The following ULK4 variants were observed in gnomAD, a reference collection of about 807,000 sequenced individuals.
The protein encoded by ULK4 is unc-51 like kinase 4, also known as inactive serine/threonine-protein kinase ULK4.
In ULK4, 133 loss-of-function variants were observed where a neutral mutation model predicts 160.6. The observed-to-expected ratio is 0.83, with a 90% confidence interval of 0.72 to 0.96. The LOEUF is 0.96. Among genes scored for constraint, ULK4 ranks in the 40% least tolerant of loss-of-function variants. ULK4 has a pLI of 0.00. For synonymous variants in ULK4, 534 were observed against 539.8 expected (o/e 0.99, Z 0.15); for missense variants, 1,580 against 1,499.5 (o/e 1.05, Z -0.89).
At chr3:41,931,447 T>C (rs13318817) in intron 5 of ULK4, among the ~76,000 whole-genome samples, 8,217 of 137,316 alleles carry the variant, frequency 0.06, 431 homozygotes, top group East Asian at 0.18. Flanking sequence ...AACCTGTATG[T>C]TCTGCACATG....
At chr3:41,473,790 C>T (rs1347344246) in intron 32 of ULK4, among the ~76,000 whole-genome samples, 3 of 149,112 alleles carry the variant, frequency 2.0e-5, no homozygotes, top group Non-Finnish European at 3.0e-5. Flanking sequence ...GGTGAAATAA[C>T]TGTACCCTGA....
intron 33 of ULK4, among the ~76,000 whole-genome samples, chr3:41,461,231 T>A (rs2083676646): frequency 6.6e-6 from 1 of 152,184 alleles, no homozygotes; most frequent in Non-Finnish European, 1.5e-5. Flanking sequence ...TTTTAAGCAC[T>A]GGCCTCTCTC....
chr3:41,446,577 G>C (rs540848086), intron 34 of ULK4, among the ~76,000 whole-genome samples: 1 of 152,018 alleles, frequency 6.6e-6, no homozygotes, highest in Admixed American at 6.6e-5. Context: ...TCCTTTGTAG[G>C]GACATGGATG....
At chr3:41,463,982 A>G (rs1389319602) in intron 32 of ULK4, among the ~76,000 whole-genome samples, 2 of 150,874 alleles carry the variant, frequency 1.3e-5, no homozygotes, top group African/African-American at 4.9e-5. Context: ...CTTTGGAATC[A>G]GTAGAGCATA....
intron 34 of ULK4, among the ~76,000 whole-genome samples, chr3:41,413,760 T>C (rs1215865565): frequency 2.0e-5 from 3 of 152,158 alleles, no homozygotes; most frequent in African/African-American, 7.2e-5. Context: ...CTTTGGTAAT[T>C]ATATTAGACT....
intron 34 of ULK4, among the ~76,000 whole-genome samples, chr3:41,410,837 A>G (rs1012229996): frequency 2.6e-5 from 4 of 152,214 alleles, no homozygotes; most frequent in African/African-American, 9.6e-5. Flanking sequence ...CAAAGACAGC[A>G]TAAGTAAATG....
intron 6 of ULK4, among the ~76,000 whole-genome samples, chr3:41,919,332 T>C (rs1699090768): frequency 6.6e-6 from 1 of 152,208 alleles, no homozygotes; most frequent in Non-Finnish European, 1.5e-5. Flanking sequence ...CCAGGCACAG[T>C]GGCTCATGCC....
intron 32 of ULK4, among the ~76,000 whole-genome samples, chr3:41,510,349 T>A (rs1437563639): frequency 6.6e-6 from 1 of 152,180 alleles, no homozygotes; most frequent in Non-Finnish European, 1.5e-5. Flanking sequence ...CTGCTAGTCC[T>A]AAGAAATAAG....
At chr3:41,699,563 G>C (rs138886365) in intron 27 of ULK4, among the ~76,000 whole-genome samples, 1 of 152,330 alleles carries the variant, frequency 6.6e-6, no homozygotes, top group Non-Finnish European at 1.5e-5. Flanking sequence ...CTATAGGCCA[G>C]ATTGATGATT....
chr3:41,717,210 C>T (rs2037299040), intron 23 of ULK4, among the ~76,000 whole-genome samples: 1 of 152,038 alleles, frequency 6.6e-6, no homozygotes, highest in Non-Finnish European at 1.5e-5. Context: ...CTGGCTTGAT[C>T]ACTATGCATT....
rs74647020 is a variant in ULK4, at chr3:41,423,663, C to G, written c.3493-25399G>C. 4.1e-3 allele frequency among the ~76,000 whole-genome samples: 618 copies of G among 151,986 alleles called. 3 individuals are homozygous for G. Among genetic ancestry groups the G allele is most frequent in the African/African-American group, 0.014 (590 of 41,452 alleles). ...ATGTAAACAGCAAGTGAATCCTGCACCAAAAACTGAGGTATAGAGGTTCTC... is the reference window on the plus strand; with the variant it reads ...ATGTAAACAGCAAGTGAATCCTGCAGCAAAAACTGAGGTATAGAGGTTCTC... On this transcript the variant is annotated intron_variant, in intron 34 of 36. Coordinates refer to ENST00000301831, the MANE Select transcript of ULK4 (RefSeq NM_017886.4).
In ULK4 at chr3:41,373,503, C is replaced by T. The variant is rs926980265; in HGVS notation, c.3678+24576G>A. Among the ~76,000 whole-genome samples, 14 of 152,292 alleles carry T rather than the reference C, an allele frequency of 9.2e-5. No homozygotes were observed. In the South Asian group the frequency reaches 1.7e-3, roughly 18 times the overall value. On this transcript the variant is annotated intron_variant, in intron 35 of 36. Transcript: ENST00000301831. The stretch of plus-strand genomic sequence containing the variant: ...AAACTCACTCAAAACGGCACAACTA[C>T]GTGGAAGCTGAACAACATGCTCCTG...
chr3:41,274,038 T>A (rs1428705776), intron 35 of ULK4, among the ~76,000 whole-genome samples: 1 of 152,092 alleles, frequency 6.6e-6, no homozygotes, highest in Non-Finnish European at 1.5e-5. Flanking sequence ...TTTTTTTTTA[T>A]ACTAACACAA....
chr3:41,715,245 T>C lies in ULK4; in HGVS notation c.2626A>G (p.Thr876Ala), dbSNP rs1350769038. ...VTEEFLFSYGTILSHIKSVDS... is the reference protein window; with the variant it reads ...VTEEFLFSYGAILSHIKSVDS... ...AATTTCGTGTTACTCACAAGAATAG[T>C]TCCATAGCTGAAAAGAAACTCTTCT... is the stretch of plus-strand genomic sequence containing the variant. Residue 876 changes from threonine to alanine, a missense_variant, in exon 25 of 37, where the codon ACT (threonine) becomes GCT (alanine). Physicochemically the swap from Thr to Ala is moderately conservative, Grantham distance 58 (BLOSUM62 0). Coordinates refer to ENST00000301831, the MANE Select transcript of ULK4 (RefSeq NM_017886.4). 3.1e-6 allele frequency: 5 copies of C among 1,613,180 alleles called. No individual in the cohort carries two copies. The highest frequency in any genetic ancestry group is 8.5e-7 in the Non-Finnish European group (1 of 1,179,954).
At chr3:41,440,068 C>T (rs1442660625) in intron 34 of ULK4, among the ~76,000 whole-genome samples, 2 of 152,082 alleles carry the variant, frequency 1.3e-5, no homozygotes, top group Non-Finnish European at 2.9e-5. Context: ...TGTGGACAGA[C>T]TTCTTTATTT....
chr3:41,904,356 C>T (rs1167362798), intron 12 of ULK4, among the ~76,000 whole-genome samples: 3 of 152,006 alleles, frequency 2.0e-5, no homozygotes, highest in Non-Finnish European at 4.4e-5. Flanking sequence ...CTAAGCCCAA[C>T]AAGTTGAGGC....
intron 34 of ULK4, among the ~76,000 whole-genome samples, chr3:41,410,947 T>TTAAC (rs71616004): frequency 0.22 from 32,869 of 152,018 alleles, 3,949 homozygotes; most frequent in African/African-American, 0.32. Context: ...TAACTTCATC[T>TTAAC]TAACTATATC....
rs753347285 is a variant in ULK4, at chr3:41,835,943, CTAAT to C, written c.1681_1684del (p.Ile561GlyfsTer9). On this transcript the variant is annotated frameshift_variant, in exon 18 of 37. Coordinates refer to ENST00000301831, the MANE Select transcript of ULK4 (RefSeq NM_017886.4). LOFTEE classifies it high-confidence loss of function. The stretch of plus-strand genomic sequence containing the variant: ...TAATTTGCTGTTCCTGAAGTTTTCC[CTAAT>C]TAATTCAGTTAAGAGAACAATTGCC... 9.9e-5 allele frequency: 159 copies of C among 1,607,174 alleles called. No homozygotes were observed. The highest frequency in any genetic ancestry group is 1.2e-4 in the Non-Finnish European group (145 of 1,177,996).
intron 32 of ULK4, among the ~76,000 whole-genome samples, chr3:41,558,174 A>G (rs1484797052): frequency 6.6e-6 from 1 of 152,176 alleles, no homozygotes; most frequent in African/African-American, 2.4e-5. Context: ...TATTCATTGT[A>G]GAACTGTCTG....
Sources: gnomAD v4.1 joint callset for allele counts (sites outside exome capture counted in the v4.1 genomes callset) on GRCh38, gnomAD v4.1.1 for gene constraint, MANE v1.5 for transcripts, NCBI Gene and HGNC (gene_info 2026-07-23, HGNC 2026-07-21) for gene names.